Variants in LRMDA observed in about 807,000 individuals in gnomAD.
LRMDA encodes the protein leucine rich melanocyte differentiation associated, also known as leucine-rich melanocyte differentiation-associated protein.
Under a neutral mutation model 29.8 loss-of-function variants are expected in LRMDA, and 18 were observed. The ratio of observed to expected loss-of-function variants is 0.60; its 90% confidence interval spans 0.42 to 0.90. The LOEUF is 0.90. Among genes scored for constraint, LRMDA ranks in the 40% least tolerant of loss-of-function variants. LRMDA has a pLI of 0.00. For synonymous variants in LRMDA, 125 were observed against 109.4 expected (o/e 1.14, Z -0.89); for missense variants, 273 against 273.9 (o/e 1.00, Z 0.02).
chr10:75,672,974 T>A lies in LRMDA; in HGVS notation c.131+234480T>A, dbSNP rs1043185056. ...AAACTGTTTGCCTTTTTTTTTTTTT[T>A]AAATCTCTAAAGACTATAATTCCTT... On this transcript the variant is annotated intron_variant, in intron 2 of 6. Coordinates refer to ENST00000611255, the MANE Select transcript of LRMDA (RefSeq NM_001305581.2). 9.8e-4 allele frequency among the ~76,000 whole-genome samples: 147 copies of A among 149,486 alleles called. No individual in the cohort carries two copies. In the East Asian group the frequency reaches 0.022, roughly 22 times the overall value.
chr10:76,132,373 C>G (rs1426963280), intron 5 of LRMDA, among the ~76,000 whole-genome samples: 3 of 152,072 alleles, frequency 2.0e-5, no homozygotes, highest in African/African-American at 7.2e-5. Context: ...TCTTAGATGT[C>G]AGCTCATTTC....
chr10:75,772,079 A>G (rs1009613688), intron 2 of LRMDA, among the ~76,000 whole-genome samples: 1 of 152,218 alleles, frequency 6.6e-6, no homozygotes, highest in African/African-American at 2.4e-5. Flanking sequence ...TATCAAAAAC[A>G]TTTTCAGTTG....
At chr10:76,473,130 A>G (rs1842634551) in intron 6 of LRMDA, among the ~76,000 whole-genome samples, 1 of 151,598 alleles carries the variant, frequency 6.6e-6, no homozygotes, top group East Asian at 1.9e-4. Context: ...AGCACATCCC[A>G]TCTAGCAATG....
chr10:75,841,377 T>A (rs551347953), intron 2 of LRMDA, among the ~76,000 whole-genome samples: 37 of 152,322 alleles, frequency 2.4e-4, no homozygotes, highest in African/African-American at 8.4e-4. Context: ...TGTGAATGAT[T>A]GCCCTCAGGA....
chr10:75,592,889 T>C (rs1354582668), intron 2 of LRMDA, among the ~76,000 whole-genome samples: 1 of 152,218 alleles, frequency 6.6e-6, no homozygotes, highest in African/African-American at 2.4e-5. Context: ...GTCCTTTTCT[T>C]CAGTCTTATC....
chr10:76,447,538 A>C (rs1842365417), intron 6 of LRMDA, among the ~76,000 whole-genome samples: 2 of 152,154 alleles, frequency 1.3e-5, no homozygotes, highest in Admixed American at 1.3e-4. Context: ...CTCCCTGAGA[A>C]TCTCAGGCCA....
intron 6 of LRMDA, among the ~76,000 whole-genome samples, chr10:76,400,838 C>T (rs1841840213): frequency 6.6e-6 from 1 of 152,128 alleles, no homozygotes; most frequent in South Asian, 2.1e-4. Context: ...GGTTTGAGAA[C>T]ATTGCTGTAT....
rs766520832 is a variant in LRMDA at position 76,557,417 on chromosome 10, C to T, written c.*129C>T. The T allele has an allele frequency of 5.5e-5, 40 of 731,054 alleles. No homozygotes were observed. The highest frequency in any genetic ancestry group is 9.7e-5 in the Admixed American group (4 of 41,052). The allele number at this position is 731,054 out of a possible 1,614,324, so 45.3% of individuals were successfully genotyped here. ...TCTTTGGGAAAAGCTATGACTTCAGCTTTTGGTACCTTCCGCTGACTTTGC... is the reference window on the plus strand; with the variant it reads ...TCTTTGGGAAAAGCTATGACTTCAGTTTTTGGTACCTTCCGCTGACTTTGC... On this transcript the variant is annotated 3_prime_UTR_variant, in exon 7 of 7. Transcript: ENST00000611255.
chr10:75,761,468 A>G (rs1843093381), intron 2 of LRMDA, among the ~76,000 whole-genome samples: 2 of 152,234 alleles, frequency 1.3e-5, no homozygotes, highest in Admixed American at 1.3e-4. Context: ...CACTTATGTG[A>G]GTTATCTAGA....
chr10:75,650,933 A>C (rs1841591337), intron 2 of LRMDA, among the ~76,000 whole-genome samples: 1 of 152,154 alleles, frequency 6.6e-6, no homozygotes. Context: ...CCCCAGCATC[A>C]AAGGGCAGCC....
intron 2 of LRMDA, among the ~76,000 whole-genome samples, chr10:75,763,707 T>C (rs1843125756): frequency 6.6e-6 from 1 of 152,078 alleles, no homozygotes; most frequent in South Asian, 2.1e-4. Context: ...AATTTTTTTT[T>C]TTTTTTTGGC....
intron 2 of LRMDA, among the ~76,000 whole-genome samples, chr10:75,720,911 T>C (rs1842558954): frequency 6.6e-6 from 1 of 152,162 alleles, no homozygotes; most frequent in Non-Finnish European, 1.5e-5. Flanking sequence ...TGAGAACCCA[T>C]GATGGGAAGT....
At chr10:75,672,583 T>C (rs868421636) in intron 2 of LRMDA, among the ~76,000 whole-genome samples, 1 of 41,986 alleles carries the variant, frequency 2.4e-5, no homozygotes, top group African/African-American at 1.9e-4. Flanking sequence ...TCCCTTCCCT[T>C]CCCTGCTTTT....
At chr10:76,012,718 C>T (rs1423821565) in intron 2 of LRMDA, among the ~76,000 whole-genome samples, 1 of 152,112 alleles carries the variant, frequency 6.6e-6, no homozygotes, top group Non-Finnish European at 1.5e-5. Context: ...AGTTAAACTC[C>T]TCATCATTAA....
At chr10:75,459,939 A>C (rs1844565459) in intron 2 of LRMDA, among the ~76,000 whole-genome samples, 1 of 152,124 alleles carries the variant, frequency 6.6e-6, no homozygotes, top group Non-Finnish European at 1.5e-5. Context: ...ATTAGGCTCC[A>C]CCTCCTAACA....
rs369751179 is a variant in LRMDA at position 76,024,929 on chromosome 10, C to T, written c.132-11079C>T. Among the ~76,000 whole-genome samples the T allele has an allele frequency of 3.9e-5, 6 of 152,360 alleles. No individual in the cohort carries two copies. In the East Asian group the frequency reaches 1.2e-3, roughly 29 times the overall value. The stretch of plus-strand genomic sequence containing the variant: ...CCAATGGCTGTGGGCGCCTCCCCCA[C>T]CAGGCTCTGCATTCCGCCCCATGGC... On this transcript the variant is annotated intron_variant, in intron 2 of 6. Transcript: ENST00000611255.
At chr10:76,232,225 T>G (rs1384590096) in intron 5 of LRMDA, among the ~76,000 whole-genome samples, 1 of 152,220 alleles carries the variant, frequency 6.6e-6, no homozygotes, top group Non-Finnish European at 1.5e-5. Context: ...AATAATAACA[T>G]AATCATTTAC....
At chr10:75,810,728 C>T (rs928284286) in intron 2 of LRMDA, among the ~76,000 whole-genome samples, 22 of 152,168 alleles carry the variant, frequency 1.4e-4, no homozygotes, top group African/African-American at 5.1e-4. Context: ...GTTCTAGACA[C>T]AGTGAGCTTG....
intron 6 of LRMDA, among the ~76,000 whole-genome samples, chr10:76,451,061 T>G (rs1031658611): frequency 3.9e-5 from 6 of 152,352 alleles, no homozygotes; most frequent in African/African-American, 1.4e-4. Flanking sequence ...GGGATTGTTG[T>G]GCTCTAAGAC....
Sources: gnomAD v4.1 joint callset for allele counts (sites outside exome capture counted in the v4.1 genomes callset) on GRCh38, gnomAD v4.1.1 for gene constraint, MANE v1.5 for transcripts, NCBI Gene and HGNC (gene_info 2026-07-23, HGNC 2026-07-21) for gene names.